NDST4: variants seen among roughly 807,000 people sequenced by gnomAD.
The protein encoded by NDST4 is N-heparan sulfate sulfotransferase 4.
Under a neutral mutation model 100.8 loss-of-function variants are expected in NDST4, and 63 were observed. That is an observed-to-expected ratio of 0.62 (90% CI 0.51 to 0.77). The LOEUF (loss-of-function observed/expected upper bound fraction) is 0.77, where lower values mean the gene tolerates loss of function less well. NDST4 is among the 30% of genes least tolerant of loss of function. The pLI is 0.00. For missense variants in NDST4, 943 were observed against 1,018.4 expected (o/e 0.93, Z 1.01); for synonymous variants, 377 against 361.8 (o/e 1.04, Z -0.48).
intron 2 of NDST4, among the ~76,000 whole-genome samples, chr4:115,061,856 A>C (rs945477689): frequency 6.6e-6 from 1 of 152,134 alleles, no homozygotes; most frequent in African/African-American, 2.4e-5. Context: ...AAAGCATGGC[A>C]CACTTAGTTG....
At position 114,845,930 on chromosome 4, in the gene NDST4, A is replaced by G; in HGVS notation, c.2008T>C (p.Tyr670His). Residue 670 changes from tyrosine (Y) to histidine (H), a missense_variant, in exon 10 of 14, where the codon TAC (tyrosine) becomes CAC (histidine). Transcript: ENST00000264363. ...CTTGGAGCTTCTTCCGAATGGAAGT[A>G]ATTAGCACTCTTTTCAAACAGAAAG... ...SDFLFEKSANYFHSEEAPRRA... is the reference protein window; with the variant it reads ...SDFLFEKSANHFHSEEAPRRA... The G allele has an allele frequency of 6.2e-7, 1 of 1,613,994 alleles. No homozygotes were observed. Among genetic ancestry groups the G allele is most frequent in the Non-Finnish European group, 8.5e-7 (1 of 1,179,898 alleles).
intron 12 of NDST4, 114 bp downstream of exon 12, chr4:114,833,492 T>C (rs918572196): frequency 4.4e-5 from 30 of 676,632 alleles, no homozygotes; most frequent in Non-Finnish European, 7.6e-5. Context: ...TGCTTGTAGG[T>C]AGCATAGGAT....
intron 2 of NDST4, among the ~76,000 whole-genome samples, chr4:115,008,348 G>T (rs779148574): frequency 7.8e-6 from 1 of 128,954 alleles, no homozygotes; most frequent in Non-Finnish European, 1.7e-5. Flanking sequence ...GGTACCAGTT[G>T]TTCCTTTCCA....
At chr4:115,028,675 C>G (rs913006470) in intron 2 of NDST4, among the ~76,000 whole-genome samples, 2 of 151,824 alleles carry the variant, frequency 1.3e-5, no homozygotes, top group Non-Finnish European at 2.9e-5. Context: ...GAGAGTGTCA[C>G]TAGATGTATG....
At chr4:115,077,706 G>T (rs1265528621) in intron 1 of NDST4, among the ~76,000 whole-genome samples, 1 of 152,142 alleles carries the variant, frequency 6.6e-6, no homozygotes, top group Admixed American at 6.5e-5. Flanking sequence ...CATGCTCTTA[G>T]GTATCTGCCT....
intron 2 of NDST4, among the ~76,000 whole-genome samples, chr4:115,062,204 C>T (rs1264890062): frequency 2.0e-5 from 3 of 151,932 alleles, no homozygotes; most frequent in South Asian, 2.1e-4. Flanking sequence ...TTATGAACAA[C>T]TCAAAACTAG....
At chr4:114,860,488 A>G (rs546448894) in intron 7 of NDST4, among the ~76,000 whole-genome samples, 1 of 152,296 alleles carries the variant, frequency 6.6e-6, no homozygotes, top group African/African-American at 2.4e-5. Context: ...AAATGATATG[A>G]AGTATCCTCA....
intron 4 of NDST4, among the ~76,000 whole-genome samples, chr4:114,944,394 A>G (rs1045932384): frequency 6.6e-6 from 1 of 152,154 alleles, no homozygotes; most frequent in Non-Finnish European, 1.5e-5. Context: ...CTCAACTCTG[A>G]TGATCTTTTT....
intron 5 of NDST4, among the ~76,000 whole-genome samples, 197 bp downstream of exon 5, chr4:114,937,121 C>T (rs917104245): frequency 6.6e-6 from 1 of 152,118 alleles, no homozygotes; most frequent in Non-Finnish European, 1.5e-5. Context: ...TTTGCCAAAG[C>T]CACTCCACAG....
At chr4:115,034,335 C>T (rs1728187420) in intron 2 of NDST4, among the ~76,000 whole-genome samples, 1 of 152,014 alleles carries the variant, frequency 6.6e-6, no homozygotes, top group South Asian at 2.1e-4. Context: ...CTTCCACTTG[C>T]TGTAGGTATT....
chr4:114,853,093 C>G (rs1051671565), intron 7 of NDST4, among the ~76,000 whole-genome samples: 5 of 152,124 alleles, frequency 3.3e-5, no homozygotes, highest in African/African-American at 1.2e-4. Flanking sequence ...TACTCTATTT[C>G]TTGGTTTATG....
intron 6 of NDST4, among the ~76,000 whole-genome samples, chr4:114,896,045 T>C (rs1370573637): frequency 6.6e-6 from 1 of 152,184 alleles, no homozygotes; most frequent in Non-Finnish European, 1.5e-5. Context: ...AGAATGTGAT[T>C]CTAATACAAA....
In NDST4 at chr4:115,076,560, A is replaced by C; in HGVS notation, c.477T>G (p.Val159=). The C allele has an allele frequency of 6.2e-7, 1 of 1,614,004 alleles. No homozygotes were observed. The highest frequency in any genetic ancestry group is 8.5e-7 in the Non-Finnish European group (1 of 1,179,964). Residue 159 remains valine, a synonymous_variant, in exon 2 of 14, where the codon GTT becomes GTG. Transcript: ENST00000264363. ...TGGCTTTATGAAAACCGATTATACT[A>C]ACACTGTATTCCACACAGTATTTTT... ...LLEKYCVEYS[V]SIIGFHKANE... is the part of the protein sequence containing the mutation.
chr4:114,875,407 A>G (rs551525377), intron 6 of NDST4, among the ~76,000 whole-genome samples: 10 of 152,332 alleles, frequency 6.6e-5, no homozygotes, highest in East Asian at 3.9e-4. Context: ...GTCAGATACA[A>G]TACATATACT....
In NDST4 at chr4:115,097,851, A is replaced by C. The variant is rs375017266; in HGVS notation, c.-247+15593T>G. Among the ~76,000 whole-genome samples, 10 of 152,222 alleles carry C rather than the reference A, an allele frequency of 6.6e-5. No homozygotes were observed. In the South Asian group the frequency reaches 1.2e-3, roughly 19 times the overall value. ...CTGGGCCTCTCTATATTCTCCAAAC[A>C]TGCTGTGTTCTTTACATATGTACTT... On this transcript the variant is annotated intron_variant, in intron 1 of 13. Transcript: ENST00000264363.
At chr4:114,927,760 T>C (rs1020895085) in intron 6 of NDST4, among the ~76,000 whole-genome samples, 10 of 152,050 alleles carry the variant, frequency 6.6e-5, no homozygotes, top group African/African-American at 2.4e-4. Context: ...ATGTCATACA[T>C]TGTCTACAGC....
Position 115,076,079 on chromosome 4 carries a change from T to C in NDST4, c.958A>G (p.Met320Val). 1.2e-6 allele frequency: 2 copies of C among 1,611,830 alleles called. No homozygotes were observed. The highest frequency in any genetic ancestry group is 1.7e-6 in the Non-Finnish European group (2 of 1,178,756). The stretch of plus-strand genomic sequence containing the variant: ...CTTACCTTCACATCTTTGACATTCA[T>C]CCTTGTTCCCTCTTTCCCAACAAAT... The part of the protein sequence containing the change: ...DIFVGKEGTR[M>V]NVKDVKALLE... The change falls in exon 2 of 14, where the codon ATG (methionine) becomes GTG (valine). Residue 320 changes from methionine to valine, a missense_variant. Transcript: ENST00000264363.
chr4:115,061,536 C>T (rs1728822594), intron 2 of NDST4, among the ~76,000 whole-genome samples: 1 of 151,882 alleles, frequency 6.6e-6, no homozygotes, highest in Non-Finnish European at 1.5e-5. Context: ...GAAAACCGAA[C>T]ACCACATGTT....
chr4:115,085,381 C>A (rs967194210), intron 1 of NDST4, among the ~76,000 whole-genome samples: 3 of 152,072 alleles, frequency 2.0e-5, no homozygotes, highest in Non-Finnish European at 2.9e-5. Context: ...TGAGTTAAGA[C>A]TTTGGAGGAC....
Sources: gnomAD v4.1 joint callset for allele counts (sites outside exome capture counted in the v4.1 genomes callset) on GRCh38, gnomAD v4.1.1 for gene constraint, MANE v1.5 for transcripts, NCBI Gene and HGNC (gene_info 2026-07-23, HGNC 2026-07-21) for gene names.